KDM3B: variants seen among roughly 807,000 people sequenced by gnomAD.
KDM3B encodes lysine demethylase 3B, also known as lysine-specific demethylase 3B.
KDM3B carries 10 observed loss-of-function variants against 170.0 expected under a neutral mutation model. The observed-to-expected ratio is 0.06, with a 90% CI of 0.04 to 0.10. The LOEUF (loss-of-function observed/expected upper bound fraction) is 0.10. Ranked by LOEUF, KDM3B falls within the 10% of genes least tolerant of loss-of-function variation. KDM3B has a pLI of 1.00. For synonymous variants in KDM3B, 831 were observed against 834.8 expected, an observed-to-expected ratio of 1.00 and a Z score of 0.08; for missense variants, 1,394 against 2,195.2, an observed-to-expected ratio of 0.64 and a Z score of 7.29.
intron 3 of KDM3B, among the ~76,000 whole-genome samples, chr5:138,377,400 C>T (rs1762024751): frequency 6.6e-6 from 1 of 151,810 alleles, no homozygotes; most frequent in Non-Finnish European, 1.5e-5. Context: ...TTTTGCAGAA[C>T]ATCTCATGAG....
rs745528581 is a variant in KDM3B at position 138,425,537 on chromosome 5, G to A, written c.4366G>A (p.Asp1456Asn). ...VNCRNCAIISDVKVRDFWDGF... is the reference protein window; with the variant it reads ...VNCRNCAIISNVKVRDFWDGF... ...CTGCAGGAACTGTGCTATAATTTCC[G>A]ATGTGAAAGTTCGGGATTTCTGGGA... is the stretch of plus-strand genomic sequence containing the variant. Residue 1456 changes from aspartate to asparagine, a missense_variant, in exon 17 of 24, where the codon GAT becomes AAT. Transcript: ENST00000314358. The A allele has an allele frequency of 5.0e-6, 8 of 1,613,962 alleles. No homozygotes were observed. The highest frequency in any genetic ancestry group is 2.2e-5 in the East Asian group (1 of 44,896).
At chr5:138,388,151 A>G (rs1762330690) in intron 7 of KDM3B, among the ~76,000 whole-genome samples, 1 of 152,180 alleles carries the variant, frequency 6.6e-6, no homozygotes, top group African/African-American at 2.4e-5. Context: ...CTTACAAAAT[A>G]GACCAGGTTT....
chr5:138,364,280 C>T (rs1426569433), intron 1 of KDM3B, among the ~76,000 whole-genome samples: 4 of 152,062 alleles, frequency 2.6e-5, no homozygotes, highest in Admixed American at 6.6e-5. Context: ...TTTCTTGGTG[C>T]TTTTCTCTAT....
intron 15 of KDM3B, among the ~76,000 whole-genome samples, chr5:138,423,749 G>A (rs1763330046): frequency 6.6e-6 from 1 of 152,180 alleles, no homozygotes; most frequent in Non-Finnish European, 1.5e-5. Flanking sequence ...TACAGCATTT[G>A]ATGATCCCTA....
intron 6 of KDM3B, among the ~76,000 whole-genome samples, chr5:138,384,208 T>C (rs1018407821): frequency 1.3e-5 from 2 of 149,444 alleles, no homozygotes; most frequent in Non-Finnish European, 3.0e-5. Flanking sequence ...ATCGTGCCAC[T>C]GCACTCCAGC....
chr5:138,374,028 CT>C (rs1761936960), intron 2 of KDM3B, among the ~76,000 whole-genome samples: 1 of 152,170 alleles, frequency 6.6e-6, no homozygotes, highest in Non-Finnish European at 1.5e-5. Context: ...AAGTCTCACC[CT>C]GTCACCCAGG....
At chr5:138,372,609 C>A in intron 1 of KDM3B, 65 bp from the exon 2 acceptor site, 1 of 1,371,978 alleles carries the variant, frequency 7.3e-7, no homozygotes. Flanking sequence ...GGTTTATGTT[C>A]ATTTATAAGT....
At chr5:138,417,269 C>G (rs1425651153) in intron 12 of KDM3B, among the ~76,000 whole-genome samples, 1 of 152,202 alleles carries the variant, frequency 6.6e-6, no homozygotes, top group African/African-American at 2.4e-5. Context: ...GGGCTAAAGT[C>G]TTAGTGCTCC....
rs1325423616 is a variant in KDM3B, at chr5:138,352,900, C to T, written c.105C>T (p.Ser35=). Residue 35 remains serine (S), a synonymous_variant, in exon 1 of 24, where the codon AGC becomes AGT. Coordinates refer to ENST00000314358, the MANE Select transcript of KDM3B (RefSeq NM_016604.4). ...SASAPAAAAA[S]GDPGPALRTR... ...CGGCTCCCGCGGCGGCAGCGGCGAG[C>T]GGAGATCCGGGGCCTGCGCTGCGCA... 5 of 1,374,788 alleles carry T rather than the reference C, an allele frequency of 3.6e-6. No homozygotes were observed. Among genetic ancestry groups the T allele is most frequent in the African/African-American group, 3.0e-5 (2 of 65,700 alleles). 85.2% of individuals were successfully genotyped at this position (1,374,788 alleles called of 1,614,324 possible). A position where few individuals can be genotyped will look rare whatever the true frequency, so the allele number is the denominator to read the frequency against.
intron 12 of KDM3B, among the ~76,000 whole-genome samples, chr5:138,416,588 CAAAAAAAAAAAA>C (rs545925296): frequency 1.2e-5 from 1 of 84,226 alleles, no homozygotes; most frequent in Non-Finnish European, 2.3e-5. Flanking sequence ...GACTCTGTCT[CAAAAAAAAAAAA>C]AAAAAAAAAA....
At chr5:138,430,823 GA>G (rs1243633742) in intron 22 of KDM3B, among the ~76,000 whole-genome samples, 9 of 152,126 alleles carry the variant, frequency 5.9e-5, no homozygotes, top group Admixed American at 2.6e-4. Context: ...CCGGGAGGTG[GA>G]GGTTGCAGTG....
intron 1 of KDM3B, among the ~76,000 whole-genome samples, chr5:138,355,963 G>T (rs1423647394): frequency 6.6e-6 from 1 of 151,992 alleles, no homozygotes; most frequent in Non-Finnish European, 1.5e-5. Flanking sequence ...TCTTTTTTTA[G>T]CAAATGGTGT....
intron 9 of KDM3B, among the ~76,000 whole-genome samples, chr5:138,395,508 A>G (rs1445610129): frequency 6.6e-6 from 1 of 152,216 alleles, no homozygotes; most frequent in East Asian, 1.9e-4. Context: ...CACGCTTGTA[A>G]TCCCAGGATC....
At chr5:138,353,116 G>C (rs1747603034) in intron 1 of KDM3B, 129 bp downstream of exon 1, 3 of 783,822 alleles carry the variant, frequency 3.8e-6, no homozygotes, top group South Asian at 1.3e-4. Context: ...TCTCCTTAGC[G>C]CCCCCCGCCG....
At chr5:138,372,937 C>T (rs1416338584) in intron 2 of KDM3B, 96 bp downstream of exon 2, 1 of 1,100,900 alleles carries the variant, frequency 9.1e-7, no homozygotes, top group African/African-American at 1.6e-5. Flanking sequence ...GAACTACATA[C>T]TTTGTCCTTA....
At chr5:138,435,123 A>T (rs1358835739) in intron 23 of KDM3B, among the ~76,000 whole-genome samples, 2 of 152,204 alleles carry the variant, frequency 1.3e-5, no homozygotes, top group African/African-American at 4.8e-5. Context: ...CAAATCAGAA[A>T]ACATATAAGC....
chr5:138,414,588 G>C (rs1194769850), intron 11 of KDM3B, among the ~76,000 whole-genome samples: 1 of 152,196 alleles, frequency 6.6e-6, no homozygotes, highest in South Asian at 2.1e-4. Flanking sequence ...TGTCATGATT[G>C]TGGTAGTTGT....
At chr5:138,355,988 T>G (rs1282796546) in intron 1 of KDM3B, among the ~76,000 whole-genome samples, 1 of 152,214 alleles carries the variant, frequency 6.6e-6, no homozygotes, top group Non-Finnish European at 1.5e-5. Context: ...CTGCACAATA[T>G]TTGCACCCTG....
chr5:138,412,569 A>G (rs939447894), intron 11 of KDM3B, among the ~76,000 whole-genome samples: 14 of 151,532 alleles, frequency 9.2e-5, no homozygotes, highest in African/African-American at 3.4e-4. Flanking sequence ...TGGGAGAATT[A>G]TTTAACCCTG....
Sources: gnomAD v4.1 joint callset for allele counts (sites outside exome capture counted in the v4.1 genomes callset) on GRCh38, gnomAD v4.1.1 for gene constraint, MANE v1.5 for transcripts, NCBI Gene and HGNC (gene_info 2026-07-23, HGNC 2026-07-21) for gene names.